The following REDIC1 variants were observed in gnomAD, a reference collection of about 807,000 sequenced individuals.
The protein encoded by REDIC1 is regulator of DNA class I crossover intermediates 1.
chr12:39,841,831 C>T, the REDIC1 span, among the ~76,000 whole-genome samples: 2 of 151,942 alleles, frequency 1.3e-5, no homozygotes, highest in Non-Finnish European at 2.9e-5. Flanking sequence ...ACTTAAGAGA[C>T]TGAAATTCTT....
chr12:39,639,233 G>A, the REDIC1 span, among the ~76,000 whole-genome samples: 1 of 151,872 alleles, frequency 6.6e-6, no homozygotes, highest in Non-Finnish European at 1.5e-5. Context: ...AATGGCAGCA[G>A]TACACTTATG....
the REDIC1 span, among the ~76,000 whole-genome samples, chr12:39,883,787 T>A: frequency 1.1e-4 from 17 of 152,220 alleles, no homozygotes. Context: ...TTTATGCACA[T>A]TATTTATAAC....
the REDIC1 span, among the ~76,000 whole-genome samples, chr12:39,880,385 G>A: frequency 3.3e-5 from 5 of 152,096 alleles, no homozygotes; most frequent in Admixed American, 2.6e-4. Context: ...ATATTTTCAT[G>A]TATTTGGTAC....
the REDIC1 span, among the ~76,000 whole-genome samples, chr12:39,715,814 G>A: frequency 6.6e-6 from 1 of 151,900 alleles, no homozygotes; most frequent in South Asian, 2.1e-4. Flanking sequence ...TGGATTTATA[G>A]TACTTATGGA....
chr12:39,667,855 C>T, the REDIC1 span, among the ~76,000 whole-genome samples: 3 of 152,042 alleles, frequency 2.0e-5, no homozygotes, highest in African/African-American at 7.2e-5. Context: ...TTTGTTTGTT[C>T]AAAGTCTGTT....
chr12:39,700,163 C>T, the REDIC1 span, among the ~76,000 whole-genome samples: 1 of 152,056 alleles, frequency 6.6e-6, no homozygotes. Context: ...GACATTCAAA[C>T]CAAAGGCAAA....
At chr12:39,716,683 C>T in the REDIC1 span, 7 of 1,100,002 alleles carry the variant, frequency 6.4e-6, no homozygotes, top group South Asian at 1.5e-5. Flanking sequence ...CAGCAGATAT[C>T]TTCTGCCTGG....
the REDIC1 span, chr12:39,647,795 C>G: frequency 6.6e-7 from 1 of 1,520,166 alleles, no homozygotes. Flanking sequence ...CCTATAGTCA[C>G]AAGGCATGGA....
chr12:39,839,756 T>G, the REDIC1 span, among the ~76,000 whole-genome samples: 1 of 152,070 alleles, frequency 6.6e-6, no homozygotes, highest in Non-Finnish European at 1.5e-5. Context: ...ACCAATACAC[T>G]GAGCCCCCAT....
the REDIC1 span, among the ~76,000 whole-genome samples, chr12:39,729,756 G>A: frequency 6.6e-6 from 1 of 152,074 alleles, no homozygotes; most frequent in Non-Finnish European, 1.5e-5. Context: ...ATTGACAGTG[G>A]GGTGCTAAAG....
At chr12:39,825,267 T>C in the REDIC1 span, among the ~76,000 whole-genome samples, 1 of 152,112 alleles carries the variant, frequency 6.6e-6, no homozygotes. Context: ...TTTGTATATA[T>C]GGAGAGTCAG....
At chr12:39,773,313 C>T in the REDIC1 span, among the ~76,000 whole-genome samples, 1 of 152,150 alleles carries the variant, frequency 6.6e-6, no homozygotes, top group African/African-American at 2.4e-5. Flanking sequence ...AGTGAGAGAA[C>T]TAATCCTTAC....
At chr12:39,900,366 G>T in the REDIC1 span, among the ~76,000 whole-genome samples, 1 of 152,188 alleles carries the variant, frequency 6.6e-6, no homozygotes, top group Admixed American at 6.6e-5. Context: ...AGAAATAAAG[G>T]GGATTATATT....
the REDIC1 span, chr12:39,647,709 A>T: frequency 9.5e-7 from 1 of 1,048,484 alleles, no homozygotes; most frequent in South Asian, 2.4e-5. Context: ...CTTTTCACTT[A>T]TTTTAATTTC....
chr12:39,701,984 G>A, the REDIC1 span, among the ~76,000 whole-genome samples: 2 of 152,072 alleles, frequency 1.3e-5, no homozygotes, highest in African/African-American at 2.4e-5. Context: ...ACAAGAGAAA[G>A]CAGGAAAGAT....
the REDIC1 span, among the ~76,000 whole-genome samples, chr12:39,763,382 T>C: frequency 6.6e-6 from 1 of 152,220 alleles, no homozygotes; most frequent in East Asian, 1.9e-4. Context: ...AATAGATTTT[T>C]ATAATGTTTC....
chr12:39,823,419 A>G, the REDIC1 span, among the ~76,000 whole-genome samples: 8 of 151,054 alleles, frequency 5.3e-5, no homozygotes, highest in Non-Finnish European at 1.2e-4. Context: ...TTCTAAATAC[A>G]AAAGTGATAT....
the REDIC1 span, among the ~76,000 whole-genome samples, chr12:39,821,119 A>G: frequency 1.2e-4 from 18 of 152,062 alleles, no homozygotes; most frequent in Admixed American, 1.2e-3. Flanking sequence ...AGTTCCTTTT[A>G]TAACTCAAAA....
chr12:39,743,074 C>T, the REDIC1 span, among the ~76,000 whole-genome samples: 2 of 152,152 alleles, frequency 1.3e-5, no homozygotes, highest in South Asian at 4.1e-4. Flanking sequence ...GAAAAATCCC[C>T]TGTGCCTCTG....
Sources: allele counts gnomAD v4.1 joint callset (sites outside exome capture counted in the v4.1 genomes callset), GRCh38; gene constraint gnomAD v4.1.1; transcripts MANE v1.5; gene names NCBI Gene and HGNC (gene_info 2026-07-23, HGNC 2026-07-21).